The following DAB1 variants were observed in gnomAD, a reference collection of about 807,000 sequenced individuals.
DAB1 encodes the protein disabled homolog 1.
Under a neutral mutation model 64.6 loss-of-function variants are expected in DAB1, and 15 were observed. That is an observed-to-expected ratio of 0.23 (90% CI 0.16 to 0.36). The LOEUF is 0.36. DAB1 is among the 10% of genes least tolerant of loss of function. The pLI is 1.00. For synonymous variants in DAB1, 235 were observed against 251.9 expected (o/e 0.93, Z 0.64); for missense variants, 596 against 706.7 (o/e 0.84, Z 1.78).
At chr1:57,992,540 T>C (rs932699250) in intron 5 of DAB1, among the ~76,000 whole-genome samples, 1 of 152,186 alleles carries the variant, frequency 6.6e-6, no homozygotes, top group Non-Finnish European at 1.5e-5. Context: ...AGGAAGGTGA[T>C]GAGAACTGGC....
intron 3 of DAB1, among the ~76,000 whole-genome samples, chr1:58,455,472 A>C (rs886124008): frequency 6.6e-6 from 1 of 152,234 alleles, no homozygotes; most frequent in Admixed American, 6.5e-5. Context: ...GGCCATTGGA[A>C]CTTGGCAGAA....
At chr1:57,925,280 A>AG (rs1047219221) in intron 5 of DAB1, among the ~76,000 whole-genome samples, 29 of 152,366 alleles carry the variant, frequency 1.9e-4, no homozygotes, top group African/African-American at 6.7e-4. Context: ...GGGGTAACAG[A>AG]GAAAAAGCCT....
At chr1:58,191,164 T>A (rs1277330134) in intron 4 of DAB1, among the ~76,000 whole-genome samples, 3 of 152,218 alleles carry the variant, frequency 2.0e-5, no homozygotes, top group Non-Finnish European at 4.4e-5. Flanking sequence ...CTGAGAGATC[T>A]TCTTAGCCAG....
intron 7 of DAB1, among the ~76,000 whole-genome samples, chr1:57,628,098 T>G (rs1382808232): frequency 6.6e-6 from 1 of 152,164 alleles, no homozygotes; most frequent in African/African-American, 2.4e-5. Context: ...GTTGAGATAA[T>G]TTGGAACTGA....
chr1:57,507,553 G>A (rs1482139593), intron 7 of DAB1, among the ~76,000 whole-genome samples: 1 of 152,138 alleles, frequency 6.6e-6, no homozygotes, highest in Non-Finnish European at 1.5e-5. Context: ...AAAATGGAGT[G>A]TGAAGGCCTG....
rs1353320405 is a variant in DAB1, at chr1:57,592,183, A to G, written n.625+57409T>C. 3.3e-5 allele frequency among the ~76,000 whole-genome samples: 5 copies of G among 152,196 alleles called. No individual in the cohort carries two copies. In the East Asian group the frequency reaches 9.7e-4, roughly 29 times the overall value. On this transcript the variant is annotated intron_variant and non_coding_transcript_variant, in intron 7 of 20. Coordinates refer to the DAB1 transcript ENST00000485760. ...TAGGAACATCTGGAAATGGAAAAGA[A>G]GGACTCTGAGGAGAAAGAGCACTCA...
intron 1 of DAB1, among the ~76,000 whole-genome samples, chr1:57,379,054 A>G (rs1681142438): frequency 1.3e-5 from 2 of 152,168 alleles, no homozygotes; most frequent in Non-Finnish European, 1.5e-5. Context: ...GAAGTCTTTA[A>G]CTGTGCTGTG....
intron 2 of DAB1, among the ~76,000 whole-genome samples, chr1:57,201,048 T>C (rs1040276551): frequency 2.6e-5 from 4 of 152,182 alleles, no homozygotes; most frequent in Non-Finnish European, 4.4e-5. Flanking sequence ...ATGCATTACA[T>C]ACATTTAATT....
At chr1:57,113,238 C>T (rs471704) in intron 4 of DAB1, among the ~76,000 whole-genome samples, 122,317 of 152,108 alleles carry the variant, frequency 0.8, 49,323 homozygotes, top group East Asian at 0.98. Flanking sequence ...TAAAAATTGG[C>T]CATTATTGTT....
intron 6 of DAB1, among the ~76,000 whole-genome samples, chr1:57,759,555 C>T (rs1251028374): frequency 6.6e-6 from 1 of 152,114 alleles, no homozygotes; most frequent in Non-Finnish European, 1.5e-5. Flanking sequence ...CTATGCAGTG[C>T]CCACATCATG....
At chr1:58,138,080 T>A (rs190710907) in intron 5 of DAB1, among the ~76,000 whole-genome samples, 1 of 152,266 alleles carries the variant, frequency 6.6e-6, no homozygotes, top group East Asian at 1.9e-4. Flanking sequence ...TTGGCAAAAA[T>A]TTTACCTGAT....
intron 7 of DAB1, among the ~76,000 whole-genome samples, chr1:57,643,327 A>C (rs1646153835): frequency 6.6e-6 from 1 of 152,192 alleles, no homozygotes; most frequent in African/African-American, 2.4e-5. Flanking sequence ...TGATTCATTC[A>C]CACAGTTTCA....
intron 5 of DAB1, among the ~76,000 whole-genome samples, chr1:58,003,319 G>C (rs1021742267): frequency 5.3e-5 from 8 of 152,054 alleles, no homozygotes; most frequent in Admixed American, 2.6e-4. Context: ...GATTTTGATG[G>C]CTTCTCTTTA....
At chr1:57,808,412 C>T (rs1320204427) in intron 6 of DAB1, among the ~76,000 whole-genome samples, 2 of 152,152 alleles carry the variant, frequency 1.3e-5, no homozygotes, top group African/African-American at 2.4e-5. Context: ...CTTCCTCCAC[C>T]AGAGAGAAAG....
chr1:58,351,298 A>T (rs545140692), intron 3 of DAB1, among the ~76,000 whole-genome samples: 1 of 152,168 alleles, frequency 6.6e-6, no homozygotes. Flanking sequence ...AAACCCATGC[A>T]TGGTTACAAC....
At position 57,577,613 on chromosome 1, in the gene DAB1, G is replaced by A. The variant is rs61769572; in HGVS notation, n.625+71979C>T. Among the ~76,000 whole-genome samples the A allele has an allele frequency of 4.9e-3, 743 of 152,276 alleles. 3 individuals are homozygous for A. The highest frequency in any genetic ancestry group is 8.6e-3 in the Non-Finnish European group (588 of 68,024). On this transcript the variant is annotated intron_variant and non_coding_transcript_variant, in intron 7 of 20. Transcript: ENST00000485760. Reference sequence around the variant, plus strand: ...ACACTTTCCTAAGGCCACATGTGTGGGTGGCGAGAACCAACTGAAGCCAAA... The same window carrying A: ...ACACTTTCCTAAGGCCACATGTGTGAGTGGCGAGAACCAACTGAAGCCAAA...
intron 5 of DAB1, among the ~76,000 whole-genome samples, chr1:58,016,931 T>C (rs1347818079): frequency 3.9e-5 from 6 of 152,170 alleles, no homozygotes; most frequent in Non-Finnish European, 2.9e-5. Flanking sequence ...CTAGGCACTT[T>C]ACAGCGAGCG....
chr1:57,783,152 C>T (rs1413110494), intron 6 of DAB1, among the ~76,000 whole-genome samples: 1 of 143,112 alleles, frequency 7.0e-6, no homozygotes, highest in East Asian at 2.1e-4. Flanking sequence ...TGCCTAGGCC[C>T]AGGCTGGAGT....
At chr1:58,000,951 T>C (rs1646498495) in intron 5 of DAB1, among the ~76,000 whole-genome samples, 1 of 152,032 alleles carries the variant, frequency 6.6e-6, no homozygotes, top group Non-Finnish European at 1.5e-5. Flanking sequence ...CTTCCCTTTC[T>C]CTCAAATTTG....
Sources: allele counts gnomAD v4.1 joint callset (sites outside exome capture counted in the v4.1 genomes callset), GRCh38; gene constraint gnomAD v4.1.1; transcripts MANE v1.5; gene names NCBI Gene and HGNC (gene_info 2026-07-23, HGNC 2026-07-21).